Variants in HPSE2 observed in about 807,000 individuals in gnomAD.
The protein encoded by HPSE2 is inactive heparanase-2.
HPSE2 carries 38 observed loss-of-function variants against 60.5 expected under a neutral mutation model. The ratio of observed to expected loss-of-function variants is 0.63; its 90% CI spans 0.48 to 0.82. HPSE2 has a LOEUF of 0.82. HPSE2 is among the 40% of genes least tolerant of loss of function. The probability of loss-of-function intolerance (pLI) is 0.00; values close to 1 mark genes in which losing one functional copy is unlikely to be tolerated. For synonymous variants in HPSE2, 295 were observed against 293.2 expected (o/e 1.01, Z -0.06); for missense variants, 713 against 740.4 (o/e 0.96, Z 0.43).
At chr10:98,591,086 T>C (rs1320497096) in intron 9 of HPSE2, among the ~76,000 whole-genome samples, 1 of 150,712 alleles carries the variant, frequency 6.6e-6, no homozygotes, top group African/African-American at 2.4e-5. Context: ...ATGAGCTATA[T>C]ACATTTATTT....
intron 3 of HPSE2, among the ~76,000 whole-genome samples, chr10:98,744,475 C>T (rs770552035): frequency 2.6e-5 from 4 of 151,742 alleles, no homozygotes; most frequent in Non-Finnish European, 4.4e-5. Context: ...TGTGGTGAGC[C>T]GAGATTGCAC....
chr10:98,987,273 C>T (rs1956387474), intron 3 of HPSE2, among the ~76,000 whole-genome samples: 1 of 152,256 alleles, frequency 6.6e-6, no homozygotes, highest in South Asian at 2.1e-4. Context: ...CCAAATCCAG[C>T]AGCACATCAA....
intron 3 of HPSE2, among the ~76,000 whole-genome samples, chr10:99,119,416 C>A (rs1844858523): frequency 6.6e-6 from 1 of 152,090 alleles, no homozygotes; most frequent in Non-Finnish European, 1.5e-5. Context: ...AGCAAAACTA[C>A]AAAATACTGC....
chr10:98,809,019 A>G (rs1402905660), intron 3 of HPSE2, among the ~76,000 whole-genome samples: 1 of 152,144 alleles, frequency 6.6e-6, no homozygotes, highest in East Asian at 1.9e-4. Context: ...TTCTCTTGCA[A>G]TGTATTACAG....
At chr10:99,302,127 C>A in the HPSE2 span, among the ~76,000 whole-genome samples, 1 of 152,000 alleles carries the variant, frequency 6.6e-6, no homozygotes, top group Non-Finnish European at 1.5e-5. Context: ...AGTTAGCCAA[C>A]AAGCAGTCAC....
At position 98,873,988 on chromosome 10, in the gene HPSE2, T is replaced by C. The variant is rs185883499; in HGVS notation, c.611-129932A>G. On this transcript the variant is annotated intron_variant, in intron 3 of 11. Transcript: ENST00000370552. ...GTGATTTTGAGCTTTTTTTCATATG[T>C]TTTTTGGCCACATAAATGTCTTCTT... Among the ~76,000 whole-genome samples, 549 of 152,272 alleles carry C rather than the reference T, an allele frequency of 3.6e-3. 2 individuals carry two copies. The highest frequency in any genetic ancestry group is 0.013 in the African/African-American group (525 of 41,566).
At chr10:98,546,269 C>G (rs2133839655) in intron 9 of HPSE2, among the ~76,000 whole-genome samples, 1 of 138,708 alleles carries the variant, frequency 7.2e-6, no homozygotes. Context: ...CATCAAGCTA[C>G]CAATGACTTT....
intron 9 of HPSE2, among the ~76,000 whole-genome samples, chr10:98,528,218 ATCCCTGACAGCCTCCCAGCAGGCAC>A (rs1343173832): frequency 6.6e-6 from 1 of 152,056 alleles, no homozygotes; most frequent in Non-Finnish European, 1.5e-5. Flanking sequence ...AGGGATCCTC[ATCCCTGACAGCCTCCCAGCAGGCAC>A]TCCCTGCTCA....
chr10:98,705,614 T>G (rs10883171), intron 5 of HPSE2, among the ~76,000 whole-genome samples: 125,271 of 152,152 alleles, frequency 0.82, 54,937 homozygotes, highest in South Asian at 0.98. Flanking sequence ...AGTGACATGG[T>G]TGAAGCCGGA....
chr10:98,997,407 T>C (rs1397085679), intron 3 of HPSE2, among the ~76,000 whole-genome samples: 1 of 152,256 alleles, frequency 6.6e-6, no homozygotes, highest in Admixed American at 6.5e-5. Flanking sequence ...TCAGCCACTG[T>C]GCCCAGCCAA....
chr10:98,748,702 A>C (rs1949684275), intron 3 of HPSE2, among the ~76,000 whole-genome samples: 1 of 152,156 alleles, frequency 6.6e-6, no homozygotes, highest in African/African-American at 2.4e-5. Flanking sequence ...AGATGGCTGA[A>C]GAGAAAACCT....
the HPSE2 span, among the ~76,000 whole-genome samples, chr10:99,257,104 C>G: frequency 6.6e-6 from 1 of 152,182 alleles, no homozygotes; most frequent in Non-Finnish European, 1.5e-5. Flanking sequence ...CTACGCCTGT[C>G]TTTAATCTCT....
chr10:98,610,306 T>A (rs1354460084), intron 9 of HPSE2, among the ~76,000 whole-genome samples: 2 of 152,198 alleles, frequency 1.3e-5, no homozygotes, highest in Non-Finnish European at 2.9e-5. Flanking sequence ...GGATGGAGCA[T>A]CTAGGATCTT....
At chr10:98,978,079 T>C (rs1488431104) in intron 3 of HPSE2, among the ~76,000 whole-genome samples, 1 of 152,052 alleles carries the variant, frequency 6.6e-6, no homozygotes, top group East Asian at 1.9e-4. Context: ...TAGTACAAGG[T>C]AGAGCCAGGA....
At chr10:99,103,335 A>C (rs886150273) in intron 3 of HPSE2, among the ~76,000 whole-genome samples, 48 of 152,176 alleles carry the variant, frequency 3.2e-4, no homozygotes, top group Non-Finnish European at 5.7e-4. Flanking sequence ...CTTATACACC[A>C]ATAACAGACA....
intron 3 of HPSE2, among the ~76,000 whole-genome samples, chr10:98,770,723 T>C (rs1327609753): frequency 6.6e-6 from 1 of 152,082 alleles, no homozygotes; most frequent in East Asian, 1.9e-4. Flanking sequence ...CCTCCCTGCT[T>C]CCAATCAATC....
chr10:99,238,893 G>C (rs552350467), upstream of HPSE2, among the ~76,000 whole-genome samples: 2 of 152,298 alleles, frequency 1.3e-5, no homozygotes, highest in Admixed American at 1.3e-4. Context: ...AGGCACAGTG[G>C]CTCACATCTG....
chr10:98,597,960 G>A (rs1324696927), intron 9 of HPSE2, among the ~76,000 whole-genome samples: 1 of 105,520 alleles, frequency 9.5e-6, no homozygotes, highest in African/African-American at 4.0e-5. Flanking sequence ...GACAGAGTGA[G>A]ACTCCATCTC....
chr10:99,300,564 C>T, the HPSE2 span, among the ~76,000 whole-genome samples: 1 of 152,212 alleles, frequency 6.6e-6, no homozygotes, highest in African/African-American at 2.4e-5. Flanking sequence ...TTCCTCATGC[C>T]TGAGTGTTCT....
Sources: gnomAD v4.1 joint callset for allele counts (sites outside exome capture counted in the v4.1 genomes callset) on GRCh38, gnomAD v4.1.1 for gene constraint, MANE v1.5 for transcripts, NCBI Gene and HGNC (gene_info 2026-07-23, HGNC 2026-07-21) for gene names.